The following GTF2IRD1 variants were observed in gnomAD, a reference collection of about 807,000 sequenced individuals.
GTF2IRD1 encodes general transcription factor II-I repeat domain-containing protein 1.
Under a neutral mutation model 113.2 loss-of-function variants are expected in GTF2IRD1, and 26 were observed. The observed-to-expected ratio is 0.23, with a 90% CI of 0.17 to 0.32. GTF2IRD1 has a LOEUF of 0.32. GTF2IRD1 is among the 10% of genes least tolerant of loss of function. The probability of loss-of-function intolerance (pLI) is 1.00; values close to 1 mark genes in which losing one functional copy is unlikely to be tolerated. For synonymous variants in GTF2IRD1, 484 were observed against 529.1 expected, an observed-to-expected ratio of 0.91 and a Z score of 1.17; for missense variants, 864 against 1,280.8, an observed-to-expected ratio of 0.67 and a Z score of 4.97.
intron 2 of GTF2IRD1, among the ~76,000 whole-genome samples, chr7:74,508,586 G>C (rs113642440): frequency 0.1 from 15,376 of 151,808 alleles, 1,934 homozygotes; most frequent in East Asian, 0.39. Flanking sequence ...AGCTACTTGG[G>C]AGGCTGAGGC....
chr7:74,543,490 A>G (rs1337471397), intron 14 of GTF2IRD1, among the ~76,000 whole-genome samples: 1 of 152,088 alleles, frequency 6.6e-6, no homozygotes, highest in Non-Finnish European at 1.5e-5. Context: ...ACAAAACAAC[A>G]ACAAAAAAAG....
rs189107821 is a variant in GTF2IRD1, at chr7:74,546,093, G to A, written c.1732+284G>A. On this transcript the variant is annotated intron_variant, in intron 16 of 26. Transcript: ENST00000424337. ...TAATGTCGCCAGCCCTCAGCCCTCCGCCCTCACCCTCATCCCTCCGCCCTC... is the reference window on the plus strand; with the variant it reads ...TAATGTCGCCAGCCCTCAGCCCTCCACCCTCACCCTCATCCCTCCGCCCTC... Among the ~76,000 whole-genome samples the A allele has an allele frequency of 4.8e-3, 733 of 151,728 alleles. 1 individual carries two copies. The highest frequency in any genetic ancestry group is 7.7e-3 in the Non-Finnish European group (520 of 67,900).
intron 22 of GTF2IRD1, among the ~76,000 whole-genome samples, chr7:74,574,629 T>C (rs1188493261): frequency 6.6e-6 from 1 of 151,214 alleles, no homozygotes; most frequent in Admixed American, 6.6e-5. Context: ...CAGGCTAATT[T>C]TTGTATTTTT....
chr7:74,520,089 CAAAAAAAAAAA>C (rs61019711), intron 6 of GTF2IRD1, among the ~76,000 whole-genome samples: 311 of 24,574 alleles, frequency 0.013, 4 homozygotes, highest in Non-Finnish European at 0.021. Flanking sequence ...AGCTCTGTCT[CAAAAAAAAAAA>C]AAAAAAAAAA....
intron 1 of GTF2IRD1, among the ~76,000 whole-genome samples, chr7:74,464,387 C>T (rs1442080399): frequency 6.7e-6 from 1 of 150,318 alleles, no homozygotes; most frequent in Non-Finnish European, 1.5e-5. Flanking sequence ...TGGGTGATCA[C>T]ATGTCTTGCG....
intron 9 of GTF2IRD1, among the ~76,000 whole-genome samples, chr7:74,534,637 C>T (rs1460562600): frequency 2.0e-5 from 3 of 152,044 alleles, no homozygotes; most frequent in Non-Finnish European, 2.9e-5. Context: ...CCTGTTTTCA[C>T]GCTGAGAGAC....
intron 12 of GTF2IRD1, 88 bp downstream of exon 12, chr7:74,538,261 T>C: frequency 7.5e-7 from 1 of 1,336,498 alleles, no homozygotes; most frequent in Non-Finnish European, 1.1e-6. Flanking sequence ...GGAGCTCAAC[T>C]CAGCCCATGA....
chr7:74,570,294 C>T (rs1204555688), intron 22 of GTF2IRD1, among the ~76,000 whole-genome samples: 1 of 150,770 alleles, frequency 6.6e-6, no homozygotes, highest in Non-Finnish European at 1.5e-5. Flanking sequence ...ACCTGAGACG[C>T]AGAGGTTGCA....
In GTF2IRD1 at chr7:74,557,667, C is replaced by T. The variant is rs143249972; in HGVS notation, c.2052C>T (p.Ile684=). Residue 684 remains isoleucine, a synonymous_variant, in exon 20 of 27, where the codon ATC becomes ATT. Coordinates refer to ENST00000424337, the MANE Select transcript of GTF2IRD1 (RefSeq NM_005685.4). ...QENYDARLSR[I]DIANTLREQV... ...ATTATGACGCGAGGCTCTCACGGAT[C>T]GACATCGCCAACACACTAAGGGAGC... is the stretch of plus-strand genomic sequence containing the variant. The T allele has an allele frequency of 1.7e-5, 28 of 1,613,348 alleles. No individual in the cohort carries two copies. Among genetic ancestry groups the T allele is most frequent in the East Asian group, 4.5e-5 (2 of 44,880 alleles).
intron 22 of GTF2IRD1, among the ~76,000 whole-genome samples, chr7:74,587,709 T>G (rs1554368276): frequency 6.6e-6 from 1 of 152,110 alleles, no homozygotes; most frequent in Non-Finnish European, 1.5e-5. Context: ...CACAGGCTGC[T>G]GCAGAGCTCT....
chr7:74,602,605 AGAGT>A, downstream of GTF2IRD1: 1 of 481,744 alleles, frequency 2.1e-6, no homozygotes, highest in Non-Finnish European at 3.6e-6. Context: ...AAAAAAAAAA[AGAGT>A]GTTGCCTTTA....
At chr7:74,530,204 T>C (rs1291077705) in intron 9 of GTF2IRD1, among the ~76,000 whole-genome samples, 1 of 149,808 alleles carries the variant, frequency 6.7e-6, no homozygotes, top group Admixed American at 6.6e-5. Context: ...AGTGAGACTC[T>C]GTCTCAAAAA....
chr7:74,524,848 A>G (rs1266219270), intron 8 of GTF2IRD1, among the ~76,000 whole-genome samples: 1 of 152,222 alleles, frequency 6.6e-6, no homozygotes, highest in Non-Finnish European at 1.5e-5. Flanking sequence ...CTGGTGACAC[A>G]GTGAGACTCT....
chr7:74,471,247 C>T (rs1488609848), intron 1 of GTF2IRD1, among the ~76,000 whole-genome samples: 1 of 152,144 alleles, frequency 6.6e-6, no homozygotes, highest in Non-Finnish European at 1.5e-5. Context: ...TTTGTGAAAA[C>T]TCATAGAAAT....
At chr7:74,591,051 A>T (rs587638796) in intron 24 of GTF2IRD1, 34 bp downstream of exon 24, 1 of 1,514,082 alleles carries the variant, frequency 6.6e-7, no homozygotes, top group South Asian at 1.1e-5. Context: ...GGGAACAGAG[A>T]GGGCGAGGCC....
intron 17 of GTF2IRD1, among the ~76,000 whole-genome samples, chr7:74,551,206 G>A (rs1180313594): frequency 6.6e-6 from 1 of 152,156 alleles, no homozygotes; most frequent in African/African-American, 2.4e-5. Context: ...AGCTGGGCGT[G>A]GTGGTGCACA....
intron 14 of GTF2IRD1, among the ~76,000 whole-genome samples, chr7:74,541,551 A>G (rs1798636870): frequency 1.3e-5 from 2 of 152,192 alleles, no homozygotes; most frequent in South Asian, 4.2e-4. Context: ...GATTGAGCCC[A>G]GGAGGTTGAG....
Position 74,492,885 on chromosome 7 carries a change from C to T in GTF2IRD1, c.-6-15190C>T, listed in dbSNP as rs1554337094. 3.3e-5 allele frequency among the ~76,000 whole-genome samples: 5 copies of T among 152,176 alleles called. No homozygotes were observed. The South Asian group carries it at 8.3e-4, about 25-fold the overall frequency. ...AGCATCTTCCAATCTCTCTCTACTTCGTCTTCACTTGGACTTCTCTTCTAT... is the reference window on the plus strand; with the variant it reads ...AGCATCTTCCAATCTCTCTCTACTTTGTCTTCACTTGGACTTCTCTTCTAT... On this transcript the variant is annotated intron_variant, in intron 1 of 26. Coordinates refer to ENST00000424337, the MANE Select transcript of GTF2IRD1 (RefSeq NM_005685.4).
chr7:74,493,756 A>G (rs1036197058), intron 1 of GTF2IRD1, among the ~76,000 whole-genome samples: 7 of 151,698 alleles, frequency 4.6e-5, no homozygotes, highest in Non-Finnish European at 1.5e-5. Context: ...CCTAAGCCAT[A>G]TATCTAGGCT....
Sources: gnomAD v4.1 joint callset for allele counts (sites outside exome capture counted in the v4.1 genomes callset) on GRCh38, gnomAD v4.1.1 for gene constraint, MANE v1.5 for transcripts, NCBI Gene and HGNC (gene_info 2026-07-23, HGNC 2026-07-21) for gene names.